The following CSGALNACT1 variants were observed in gnomAD, a reference collection of about 807,000 sequenced individuals.
CSGALNACT1 encodes the protein chondroitin sulfate N-acetylgalactosaminyltransferase 1.
A neutral mutation model predicts 51.0 loss-of-function variants in CSGALNACT1; 52 were observed. The ratio of observed to expected loss-of-function variants is 1.02; its 90% CI spans 0.82 to 1.29. CSGALNACT1 has a LOEUF of 1.29. Among genes scored for constraint, CSGALNACT1 ranks in the 50% most tolerant of loss-of-function variants. The pLI, the probability that CSGALNACT1 is intolerant of heterozygous loss-of-function variation, is 0.00. For synonymous variants in CSGALNACT1, 341 were observed against 254.4 expected, an observed-to-expected ratio of 1.34 and a Z score of -3.24; for missense variants, 935 against 679.2, an observed-to-expected ratio of 1.38 and a Z score of -4.19.
exon 10 of CSGALNACT1, chr8:19,405,916 T>C: frequency 6.2e-7 from 1 of 1,614,142 alleles, no homozygotes; most frequent in South Asian, 1.1e-5. Context: ...CTTGTACTGC[T>C]CGGGGGTCAG....
At chr8:19,437,600 T>A (rs1197427466) in intron 6 of CSGALNACT1, among the ~76,000 whole-genome samples, 1 of 152,114 alleles carries the variant, frequency 6.6e-6, no homozygotes, top group Admixed American at 6.5e-5. Flanking sequence ...AATGAGGAGA[T>A]CAACACCAAA....
intron 1 of CSGALNACT1, among the ~76,000 whole-genome samples, 188 bp downstream of exon 1, chr8:19,756,998 G>GC (rs34212493): frequency 0.75 from 112,365 of 150,702 alleles, 42,039 homozygotes; most frequent in Middle Eastern, 0.89. Context: ...CGTGCCCTGG[G>GC]CCCCCGGCGG....
At chr8:19,574,049 A>T (rs2043611109) in intron 3 of CSGALNACT1, among the ~76,000 whole-genome samples, 1 of 152,184 alleles carries the variant, frequency 6.6e-6, no homozygotes, top group Non-Finnish European at 1.5e-5. Context: ...GCCTCCAGAT[A>T]AGCTGGGAAT....
chr8:19,674,057 G>A lies in CSGALNACT1; in HGVS notation c.-544+8416C>T, dbSNP rs546850415. 1.4e-4 allele frequency among the ~76,000 whole-genome samples: 22 copies of A among 152,312 alleles called. No homozygotes were observed. In the East Asian group the frequency reaches 4.3e-3, roughly 29 times the overall value. ...CATCCCAACACTTTGGGAGGCCAAG[G>A]CAGGCAGATCACTTAAGGTCAGGAC... On this transcript the variant is annotated intron_variant, in intron 1 of 9. Transcript: ENST00000332246.
At chr8:19,711,588 C>G (rs1337193525) in intron 1 of CSGALNACT1, among the ~76,000 whole-genome samples, 3 of 152,160 alleles carry the variant, frequency 2.0e-5, no homozygotes, top group African/African-American at 7.2e-5. Flanking sequence ...TAATATATTT[C>G]AGAAATGTAC....
At chr8:19,711,849 C>G (rs1351614862) in intron 1 of CSGALNACT1, among the ~76,000 whole-genome samples, 1 of 152,160 alleles carries the variant, frequency 6.6e-6, no homozygotes, top group Admixed American at 6.5e-5. Context: ...TGTGTGGCAC[C>G]TCCAACATGC....
chr8:19,425,960 C>T (rs2058716625), intron 6 of CSGALNACT1, among the ~76,000 whole-genome samples: 1 of 152,176 alleles, frequency 6.6e-6, no homozygotes, highest in African/African-American at 2.4e-5. Context: ...AACATTTGAC[C>T]CAGCCCTGCC....
rs555260920 is a variant in CSGALNACT1, at chr8:19,677,559, A to C, written c.-544+4914T>G. Among the ~76,000 whole-genome samples, 221 of 152,356 alleles carry C rather than the reference A, an allele frequency of 1.5e-3. 1 individual carries two copies. Among genetic ancestry groups the C allele is most frequent in the African/African-American group, 5.2e-3 (215 of 41,592 alleles). ...GAAGGACAGGAGCTAGCACCCAAAA[A>C]GGGCAGGGCTTTGGCATGTGCAGGG... On this transcript the variant is annotated intron_variant, in intron 1 of 9. Transcript: ENST00000332246.
intron 4 of CSGALNACT1, among the ~76,000 whole-genome samples, chr8:19,478,152 C>T (rs370539055): frequency 1.7e-4 from 26 of 152,124 alleles, no homozygotes; most frequent in African/African-American, 3.4e-4. Flanking sequence ...CGGTGGCTCA[C>T]GCCTGTAATC....
chr8:19,588,142 C>T (rs764992140), intron 3 of CSGALNACT1: 1 of 151,848 alleles, frequency 6.6e-6, no homozygotes, highest in Non-Finnish European at 1.5e-5. Flanking sequence ...TTTCAGTAAG[C>T]AGAAATCACA....
intron 8 of CSGALNACT1, among the ~76,000 whole-genome samples, chr8:19,412,412 A>T (rs1309602540): frequency 3.3e-5 from 5 of 152,248 alleles, no homozygotes; most frequent in Admixed American, 2.0e-4. Flanking sequence ...GCCGCCCTGC[A>T]GCTGCATGTG....
At chr8:19,640,148 A>G (rs1206134226) in intron 1 of CSGALNACT1, among the ~76,000 whole-genome samples, 2 of 152,176 alleles carry the variant, frequency 1.3e-5, no homozygotes, top group South Asian at 2.1e-4. Flanking sequence ...ATTTCCCTCA[A>G]TGATACTGTA....
intron 1 of CSGALNACT1, among the ~76,000 whole-genome samples, chr8:19,704,494 G>C (rs948912084): frequency 6.6e-6 from 1 of 152,170 alleles, no homozygotes; most frequent in African/African-American, 2.4e-5. Flanking sequence ...AATTGGTATA[G>C]CCATTATGGA....
intron 1 of CSGALNACT1, among the ~76,000 whole-genome samples, chr8:19,711,600 T>C (rs2154232504): frequency 6.6e-6 from 1 of 152,336 alleles, no homozygotes; most frequent in Middle Eastern, 3.4e-3. Flanking sequence ...GAAATGTACT[T>C]GCCAAATGGA....
At chr8:19,746,765 T>C (rs1343393181) in intron 1 of CSGALNACT1, among the ~76,000 whole-genome samples, 1 of 152,254 alleles carries the variant, frequency 6.6e-6, no homozygotes, top group East Asian at 1.9e-4. Context: ...TTCAAATGCA[T>C]GATTTTGCCA....
chr8:19,651,203 C>A (rs530680434), intron 1 of CSGALNACT1, among the ~76,000 whole-genome samples: 5 of 152,238 alleles, frequency 3.3e-5, no homozygotes, highest in African/African-American at 1.2e-4. Flanking sequence ...TTTGTCAATG[C>A]CACTGCATGG....
At chr8:19,700,244 A>G (rs2061791667) in intron 1 of CSGALNACT1, among the ~76,000 whole-genome samples, 1 of 152,030 alleles carries the variant, frequency 6.6e-6, no homozygotes, top group Non-Finnish European at 1.5e-5. Flanking sequence ...ACCTGGGCCT[A>G]GAAACCAAAC....
intron 1 of CSGALNACT1, among the ~76,000 whole-genome samples, chr8:19,731,085 C>G (rs891860746): frequency 3.3e-5 from 5 of 152,172 alleles, no homozygotes; most frequent in African/African-American, 1.2e-4. Context: ...TAAACAGCTG[C>G]TAAAGATGGC....
chr8:19,498,906 G>C (rs1024063063), intron 4 of CSGALNACT1, among the ~76,000 whole-genome samples: 5 of 152,184 alleles, frequency 3.3e-5, no homozygotes, highest in Admixed American at 3.3e-4. Flanking sequence ...TTGAGGCCAG[G>C]AGCTCAAGAC....
Sources: gnomAD v4.1 joint callset for allele counts (sites outside exome capture counted in the v4.1 genomes callset) on GRCh38, gnomAD v4.1.1 for gene constraint, MANE v1.5 for transcripts, NCBI Gene and HGNC (gene_info 2026-07-23, HGNC 2026-07-21) for gene names.